The following CAMTA1 variants were observed in gnomAD, a reference collection of about 807,000 sequenced individuals.
CAMTA1 encodes calmodulin-binding transcription activator 1.
A neutral mutation model predicts 170.9 loss-of-function variants in CAMTA1; 27 were observed. That is an observed-to-expected ratio of 0.16 (90% confidence interval 0.12 to 0.22). The LOEUF is 0.22. CAMTA1 is among the 10% of genes least tolerant of loss of function. The pLI, the probability that CAMTA1 is intolerant of heterozygous loss-of-function variation, is 1.00. For missense variants in CAMTA1, 1,619 were observed against 2,217.2 expected (o/e 0.73, Z 5.42); for synonymous variants, 833 against 891.5 (o/e 0.93, Z 1.17).
Position 7,310,718 on chromosome 1 carries a change from CTTTCTTTCTTTCTTTCTTTCTTTCTTTT to C in CAMTA1, c.438+61096_438+61123del, listed in dbSNP as rs1557491996. Among the ~76,000 whole-genome samples, 39 of 62,606 alleles carry C rather than the reference CTTTCTTTCTTTCTTTCTTTCTTTCTTTT, an allele frequency of 6.2e-4. 1 individual carries two copies. The highest frequency in any genetic ancestry group is 3.4e-3 in the African/African-American group (38 of 11,326). The allele number at this position is 62,606 out of a possible 152,430, so 41.1% of individuals were successfully genotyped here. A position where few individuals can be genotyped will look rare whatever the true frequency, so the allele number is the denominator to read the frequency against. ...TCTCTCTCTCTTTCTTTCTTTCTTTCTTTCTTTCTTTCTTTCTTTCTTTCTTTTTTTTAAGACAGTCTTGCTCTGTTGC... is the reference window on the plus strand; with the variant it reads ...TCTCTCTCTCTTTCTTTCTTTCTTTCTTTTAAGACAGTCTTGCTCTGTTGC... On this transcript the variant is annotated intron_variant, in intron 5 of 22. Transcript: ENST00000303635.
intron 3 of CAMTA1, among the ~76,000 whole-genome samples, chr1:7,077,726 A>G (rs1391462501): frequency 6.6e-6 from 1 of 151,992 alleles, no homozygotes; most frequent in Non-Finnish European, 1.5e-5. Context: ...TTTTTCTGCA[A>G]GGAAACGTGG....
At chr1:7,180,879 G>A (rs1652010781) in intron 4 of CAMTA1, among the ~76,000 whole-genome samples, 1 of 152,138 alleles carries the variant, frequency 6.6e-6, no homozygotes, top group South Asian at 2.1e-4. Flanking sequence ...ATAAATGAAT[G>A]TTTTCTAAGT....
At chr1:7,029,432 G>T (rs1234326418) in intron 3 of CAMTA1, among the ~76,000 whole-genome samples, 3 of 146,836 alleles carry the variant, frequency 2.0e-5, no homozygotes, top group Non-Finnish European at 4.5e-5. Flanking sequence ...AACCCAGGAG[G>T]CAGAGCTTGC....
chr1:7,750,177 A>G (rs2096886379), intron 19 of CAMTA1, among the ~76,000 whole-genome samples: 1 of 152,204 alleles, frequency 6.6e-6, no homozygotes, highest in African/African-American at 2.4e-5. Context: ...CTTGTCTTCA[A>G]AGACTTTCAG....
intron 5 of CAMTA1, among the ~76,000 whole-genome samples, chr1:7,345,578 C>A (rs2149839796): frequency 6.6e-6 from 1 of 152,270 alleles, no homozygotes; most frequent in South Asian, 2.1e-4. Flanking sequence ...TTTGTAAACC[C>A]CGGGGCTCAC....
intron 5 of CAMTA1, among the ~76,000 whole-genome samples, chr1:7,385,200 C>G (rs2087809177): frequency 6.6e-6 from 1 of 151,582 alleles, no homozygotes; most frequent in East Asian, 1.9e-4. Context: ...AACTATTCTC[C>G]TGCCTCAGCC....
chr1:7,313,945 G>A (rs1189169685), intron 5 of CAMTA1, among the ~76,000 whole-genome samples: 1 of 152,162 alleles, frequency 6.6e-6, no homozygotes, highest in Non-Finnish European at 1.5e-5. Flanking sequence ...AAGGGCCACT[G>A]AATCCAGGGA....
intron 4 of CAMTA1, among the ~76,000 whole-genome samples, chr1:7,139,600 A>T (rs1273905714): frequency 6.6e-6 from 1 of 152,012 alleles, no homozygotes; most frequent in East Asian, 1.9e-4. Context: ...TTTTCCACAC[A>T]GTTTTCCCTT....
At chr1:7,059,444 C>T (rs1477301568) in intron 3 of CAMTA1, among the ~76,000 whole-genome samples, 1 of 152,032 alleles carries the variant, frequency 6.6e-6, no homozygotes, top group Non-Finnish European at 1.5e-5. Flanking sequence ...ATACCGGGAC[C>T]CCATCTCTAC....
intron 4 of CAMTA1, among the ~76,000 whole-genome samples, chr1:7,105,862 G>T (rs926959630): frequency 6.6e-6 from 1 of 151,882 alleles, no homozygotes. Context: ...GATCACCTGA[G>T]CCCAGGAGGT....
intron 4 of CAMTA1, among the ~76,000 whole-genome samples, chr1:7,230,097 C>T (rs74053604): frequency 0.029 from 4,362 of 152,146 alleles, 159 homozygotes; most frequent in African/African-American, 0.084. Flanking sequence ...CCCAGAAAGC[C>T]GGTTCCTAGG....
In CAMTA1 at chr1:7,732,573, A is replaced by G. The variant is rs1212692827; in HGVS notation, c.3040A>G (p.Ser1014Gly). Residue 1014 changes from serine (S) to glycine (G), a missense_variant, in exon 12 of 23, where the codon AGC becomes GGC. Ser to Gly is a moderately conservative substitution (Grantham distance 56). This residue lies in a region of CAMTA1 where 143 missense variants were observed against 184.2 expected (regional missense o/e 0.78). Coordinates refer to ENST00000303635, the MANE Select transcript of CAMTA1 (RefSeq NM_015215.4). The surrounding 1 kb of genome is among the most constrained non-coding windows in gnomAD (Gnocchi z 4.1). ...GGGSSGGGSG[S>G]GNGGSQAQCA... Reference sequence around the variant, plus strand: ...CGGCAGCAGTGGAGGCGGCAGCGGGAGCGGGAATGGAGGGAGCCAGGCACA... The same window carrying G: ...CGGCAGCAGTGGAGGCGGCAGCGGGGGCGGGAATGGAGGGAGCCAGGCACA... The G allele has an allele frequency of 6.2e-7, 1 of 1,610,928 alleles. No homozygotes were observed. Among genetic ancestry groups the G allele is most frequent in the South Asian group, 1.1e-5 (1 of 90,674 alleles).
At chr1:6,942,298 C>T (rs933768976) in intron 3 of CAMTA1, among the ~76,000 whole-genome samples, 5 of 152,132 alleles carry the variant, frequency 3.3e-5, no homozygotes, top group African/African-American at 4.8e-5. Flanking sequence ...ATGTACTTAG[C>T]AATTTTGAAC....
intron 3 of CAMTA1, among the ~76,000 whole-genome samples, chr1:7,080,619 C>T (rs904744174): frequency 6.6e-6 from 1 of 152,148 alleles, no homozygotes; most frequent in Non-Finnish European, 1.5e-5. Flanking sequence ...ACTGCAACCT[C>T]TGCCTTCCAG....
intron 6 of CAMTA1, among the ~76,000 whole-genome samples, chr1:7,537,201 G>A (rs950809242): frequency 6.6e-6 from 1 of 152,236 alleles, no homozygotes; most frequent in Non-Finnish European, 1.5e-5. Context: ...GGTTTATGGG[G>A]CGAAGCATGA....
intron 3 of CAMTA1, among the ~76,000 whole-genome samples, chr1:7,026,879 C>T (rs562851095): frequency 5.3e-5 from 8 of 152,270 alleles, no homozygotes; most frequent in South Asian, 2.1e-4. Flanking sequence ...CCACCCACCT[C>T]GGCCTCCCAA....
chr1:7,687,230 C>A (rs2096266476), intron 11 of CAMTA1, among the ~76,000 whole-genome samples: 1 of 151,460 alleles, frequency 6.6e-6, no homozygotes. Flanking sequence ...AGAGGAGGAG[C>A]TGGCCAAGGA....
intron 5 of CAMTA1, among the ~76,000 whole-genome samples, chr1:7,316,866 T>G (rs919007513): frequency 1.3e-5 from 2 of 151,722 alleles, no homozygotes; most frequent in African/African-American, 2.4e-5. Flanking sequence ...AACTTGAGGG[T>G]GAGTTAGGAT....
chr1:6,899,124 A>G (rs1191078361), intron 3 of CAMTA1, among the ~76,000 whole-genome samples: 1 of 152,218 alleles, frequency 6.6e-6, no homozygotes, highest in African/African-American at 2.4e-5. Context: ...AAGCGTGCCC[A>G]GTCTGTTTCC....
Sources: gnomAD v4.1 joint callset for allele counts (sites outside exome capture counted in the v4.1 genomes callset) on GRCh38, gnomAD v4.1.1 for gene constraint, gnomAD v4.1.1 regional missense constraint, Gnocchi (gnomAD v3.1) non-coding constraint, MANE v1.5 for transcripts, NCBI Gene and HGNC (gene_info 2026-07-23, HGNC 2026-07-21) for gene names.